The following ASXL1 variants were observed in gnomAD, a reference collection of about 807,000 sequenced individuals.
The protein encoded by ASXL1 is ASXL transcriptional regulator 1.
A neutral mutation model predicts 89.1 loss-of-function variants in ASXL1; 65 were observed. That is an observed-to-expected ratio of 0.73 (90% CI 0.60 to 0.90). ASXL1 has a LOEUF of 0.90. Among genes scored for constraint, ASXL1 ranks in the 40% least tolerant of loss-of-function variants. ASXL1 has a pLI of 0.00. For synonymous variants in ASXL1, 739 were observed against 746.9 expected (o/e 0.99, Z 0.17); for missense variants, 1,786 against 1,942.9 (o/e 0.92, Z 1.52).
chr20:32,394,236 T>C (rs2048723015), intron 4 of ASXL1, among the ~76,000 whole-genome samples: 2 of 152,236 alleles, frequency 1.3e-5, no homozygotes, highest in South Asian at 4.1e-4. Context: ...ATTCCTGACC[T>C]TGTGATCTGC....
chr20:32,422,139 A>G (rs558638121), intron 4 of ASXL1, among the ~76,000 whole-genome samples: 44 of 149,686 alleles, frequency 2.9e-4, no homozygotes, highest in African/African-American at 9.6e-4. Context: ...TTGGCCTTCC[A>G]AAGTGCTGGG....
chr20:32,387,421 T>G (rs2048598456), intron 4 of ASXL1, among the ~76,000 whole-genome samples: 1 of 152,232 alleles, frequency 6.6e-6, no homozygotes, highest in Non-Finnish European at 1.5e-5. Context: ...GTGTGATGCT[T>G]GAGAGTCAGG....
rs570150176 is a variant in ASXL1 at position 32,418,929 on chromosome 20, T to G, written c.253-9199T>G. Among the ~76,000 whole-genome samples, 87 of 143,230 alleles carry G rather than the reference T, an allele frequency of 6.1e-4. 2 individuals carry two copies. In the South Asian group the frequency reaches 0.015, roughly 25 times the overall value. 94.0% of individuals were successfully genotyped at this position (143,230 alleles called of 152,430 possible). On this transcript the variant is annotated intron_variant, in intron 4 of 12. Transcript: ENST00000375687. ...CCTACTGTAATCTCCGCCTCCCAGC[T>G]TCAAGCGATTCTCCTGCCTTAGCCT...
chr20:32,397,950 A>G (rs2048798734), intron 4 of ASXL1, among the ~76,000 whole-genome samples: 2 of 152,162 alleles, frequency 1.3e-5, no homozygotes, highest in Admixed American at 6.5e-5. Context: ...AGAATACCAC[A>G]TTGCATTTAG....
At chr20:32,402,742 A>G (rs2048896322) in intron 4 of ASXL1, among the ~76,000 whole-genome samples, 1 of 152,168 alleles carries the variant, frequency 6.6e-6, no homozygotes, top group African/African-American at 2.4e-5. Flanking sequence ...CTTAGGTTCC[A>G]TTTGAATATT....
At chr20:32,397,302 A>C (rs1346433598) in intron 4 of ASXL1, among the ~76,000 whole-genome samples, 1 of 98,200 alleles carries the variant, frequency 1.0e-5, no homozygotes, top group Non-Finnish European at 1.8e-5. Flanking sequence ...GGGTTTCATC[A>C]TGTTGGCCAG....
At chr20:32,368,877 C>A in intron 3 of ASXL1, 138 bp from the exon 4 acceptor site, 1 of 629,536 alleles carries the variant, frequency 1.6e-6, no homozygotes, top group Non-Finnish European at 2.7e-6. Context: ...ACTATTTTCA[C>A]AGTGAAATTG....
rs751804508 is a variant in ASXL1 at position 32,429,866 on chromosome 20, T to C, written c.566-35T>C. 1.2e-6 allele frequency: 2 copies of C among 1,603,258 alleles called. No homozygotes were observed. Among genetic ancestry groups the C allele is most frequent in the Admixed American group, 3.4e-5 (2 of 59,594 alleles). On this transcript the variant is annotated intron_variant, in intron 7 of 12. Coordinates refer to ENST00000375687, the MANE Select transcript of ASXL1 (RefSeq NM_015338.6). This position sits in a 1 kb window ranked among gnomAD's most constrained non-coding sequence, Gnocchi z 4.9. ...TCTGAGAGCCATGGGCGCGGCTTGG[T>C]GATACTTTTGACCAGTGGAATGCTG... is the stretch of plus-strand genomic sequence containing the variant.
Position 32,436,379 on chromosome 20 carries a change from T to G in ASXL1, c.3667T>G (p.Ser1223Ala). The change falls in exon 13 of 13, where the codon TCT (serine) becomes GCT (alanine). Residue 1223 changes from serine (S) to alanine (A), a missense_variant. By Grantham distance (99) the Ser-to-Ala change is moderately conservative. Transcript: ENST00000375687. ...LHPVTNPITS[S>A]RKLEEMDSKE... ...TCCAGTGACAAATCCCATTACATCC[T>G]CTAGGAAACTGGAAGAAATGGATTC... The G allele has an allele frequency of 6.2e-7, 1 of 1,613,714 alleles. No homozygotes were observed. The highest frequency in any genetic ancestry group is 1.1e-5 in the South Asian group (1 of 91,092).
At chr20:32,432,772 G>C (rs1375393249) in intron 10 of ASXL1, 108 bp from the exon 11 acceptor site, 2 of 1,343,852 alleles carry the variant, frequency 1.5e-6, no homozygotes, top group East Asian at 2.5e-5. Context: ...TGATGTGAGA[G>C]AGCCTTTAGA....
At chr20:32,390,599 A>G (rs2048654368) in intron 4 of ASXL1, among the ~76,000 whole-genome samples, 1 of 151,898 alleles carries the variant, frequency 6.6e-6, no homozygotes. Flanking sequence ...CAGCCTCCCA[A>G]AGTGCTAGGA....
At chr20:32,405,987 T>A (rs1182497561) in intron 4 of ASXL1, among the ~76,000 whole-genome samples, 1 of 152,030 alleles carries the variant, frequency 6.6e-6, no homozygotes, top group African/African-American at 2.4e-5. Flanking sequence ...TTAATAGTAA[T>A]ATATACAGTC....
At chr20:32,400,061 C>A (rs985912133) in intron 4 of ASXL1, among the ~76,000 whole-genome samples, 2 of 150,378 alleles carry the variant, frequency 1.3e-5, no homozygotes, top group African/African-American at 4.9e-5. Context: ...CATGCCCGGC[C>A]ATATTTTACC....
chr20:32,435,134 C>G lies in ASXL1; in HGVS notation c.2422C>G (p.Pro808Ala), dbSNP rs368640734. ...SDDEEQGPTV[P>A]ADNGPIPSLV... Reference sequence around the variant, plus strand: ...TGATGAGGAGCAAGGACCCACCGTTCCTGCAGACAATGGTCCCATTCCGTC... The same window carrying G: ...TGATGAGGAGCAAGGACCCACCGTTGCTGCAGACAATGGTCCCATTCCGTC... The change falls in exon 13 of 13, where the codon CCT (proline) becomes GCT (alanine). Residue 808 changes from proline (P) to alanine (A), a missense_variant. This residue lies in a region of ASXL1 where 1,418 missense variants were observed against 1,427.8 expected (regional missense o/e 0.99). Coordinates refer to ENST00000375687, the MANE Select transcript of ASXL1 (RefSeq NM_015338.6). The G allele has an allele frequency of 1.9e-6, 3 of 1,613,804 alleles. No homozygotes were observed. The highest frequency in any genetic ancestry group is 2.7e-5 in the African/African-American group (2 of 74,920).
chr20:32,421,065 T>G, intron 4 of ASXL1, among the ~76,000 whole-genome samples: 1 of 137,256 alleles, frequency 7.3e-6, no homozygotes, highest in African/African-American at 2.7e-5. Context: ...CCGGGGCCTG[T>G]TGGGGGGTGG....
At chr20:32,386,404 A>G (rs1180288360) in intron 4 of ASXL1, among the ~76,000 whole-genome samples, 3 of 152,056 alleles carry the variant, frequency 2.0e-5, no homozygotes, top group East Asian at 1.9e-4. Context: ...TCTCAAAAGA[A>G]AACAGTCATA....
intron 4 of ASXL1, among the ~76,000 whole-genome samples, chr20:32,390,954 G>A (rs914962635): frequency 2.0e-5 from 3 of 151,826 alleles, no homozygotes; most frequent in Non-Finnish European, 2.9e-5. Context: ...GAAGTGCAGC[G>A]GCACGATCAT....
Position 32,433,166 on chromosome 20 carries a change from G to A in ASXL1, c.1086-118G>A, listed in dbSNP as rs946869462. 3.7e-5 allele frequency: 57 copies of A among 1,547,884 alleles called. No individual in the cohort carries two copies. The Admixed American group carries it at 1.1e-3, about 29-fold the overall frequency. On this transcript the variant is annotated intron_variant, in intron 11 of 12. Transcript: ENST00000375687. ...AGAAGTTTTTCCATGGTTAGATTGTGCACCACACAGATTTATTTTGTTCTG... is the reference window on the plus strand; with the variant it reads ...AGAAGTTTTTCCATGGTTAGATTGTACACCACACAGATTTATTTTGTTCTG...
rs1208821068 is a variant in ASXL1, at chr20:32,432,892, A to G, written c.992A>G (p.His331Arg). ...RERLADGEFT[H>R]EMQVRIRQEM... is the part of the protein sequence containing the mutation. ...TATTTCTCCCTAGGTGAATTTACTC[A>G]TGAGATGCAAGTCAGGATACGACAG... Residue 331 changes from histidine to arginine, a missense_variant, in exon 11 of 13, where the codon CAT becomes CGT. His to Arg is a conservative substitution (Grantham distance 29). This residue lies in a region of ASXL1 where 332 missense variants were observed against 449.7 expected (regional missense o/e 0.74). Coordinates refer to ENST00000375687, the MANE Select transcript of ASXL1 (RefSeq NM_015338.6). 6.2e-7 allele frequency: 1 copy of G among 1,614,004 alleles called. No homozygotes were observed. The highest frequency in any genetic ancestry group is 8.5e-7 in the Non-Finnish European group (1 of 1,179,990).
Sources: allele counts gnomAD v4.1 joint callset (sites outside exome capture counted in the v4.1 genomes callset), GRCh38; gene constraint gnomAD v4.1.1; regional missense constraint gnomAD v4.1.1; non-coding constraint Gnocchi (gnomAD v3.1); transcripts MANE v1.5; gene names NCBI Gene and HGNC (gene_info 2026-07-23, HGNC 2026-07-21).